The following CD4 variants were observed in gnomAD, a reference collection of about 807,000 sequenced individuals.
The protein encoded by CD4 is CD4 molecule, also known as T-cell surface glycoprotein CD4.
CD4 carries 25 observed loss-of-function variants against 50.5 expected under a neutral mutation model. The ratio of observed to expected loss-of-function variants is 0.49; its 90% CI spans 0.36 to 0.69. The LOEUF is 0.69. Ranked by LOEUF, CD4 falls within the 30% of genes least tolerant of loss-of-function variation. CD4 has a pLI of 0.00. For synonymous variants in CD4, 207 were observed against 221.9 expected (o/e 0.93, Z 0.60); for missense variants, 456 against 548.5 (o/e 0.83, Z 1.68).
intron 9 of CD4, among the ~76,000 whole-genome samples, 182 bp from the exon 10 acceptor site, chr12:6,819,117 G>A (rs1943202396): frequency 2.0e-5 from 3 of 151,974 alleles, no homozygotes. Flanking sequence ...GGTGGGAAAA[G>A]ATGGCCAGGA....
intron 3 of CD4, among the ~76,000 whole-genome samples, chr12:6,807,733 C>CAGAGAAA (rs1942808768): frequency 6.6e-6 from 1 of 152,172 alleles, no homozygotes; most frequent in East Asian, 1.9e-4. Context: ...CATAGGATTT[C>CAGAGAAA]TCTGTATTAC....
intron 1 of CD4, among the ~76,000 whole-genome samples, chr12:6,797,397 CCT>C (rs1341792037): frequency 6.6e-6 from 1 of 152,112 alleles, no homozygotes; most frequent in Non-Finnish European, 1.5e-5. Context: ...TCTCCCCTGA[CCT>C]CTCTGAAGGG....
At position 6,818,302 on chromosome 12, in the gene CD4, C is replaced by A; in HGVS notation, c.1157-119C>A. 1 of 1,338,116 alleles carries A rather than the reference C, an allele frequency of 7.5e-7. No homozygotes were observed. 82.9% of individuals were successfully genotyped at this position (1,338,116 alleles called of 1,614,324 possible). On this transcript the variant is annotated intron_variant, in intron 7 of 9. Transcript: ENST00000011653. The surrounding 1 kb of genome is among the most constrained non-coding windows in gnomAD (Gnocchi z 5.0). Reference sequence around the variant, plus strand: ...CTTTGAGAGCCCCCAGGCACCCCTCCCCTCTCCCCCAACCCCAGGGTCAAA... The same window carrying A: ...CTTTGAGAGCCCCCAGGCACCCCTCACCTCTCCCCCAACCCCAGGGTCAAA...
At chr12:6,814,627 G>C (rs1025914553) in intron 4 of CD4, 132 bp from the exon 5 acceptor site, 3 of 787,966 alleles carry the variant, frequency 3.8e-6, no homozygotes, top group Non-Finnish European at 6.8e-6. Flanking sequence ...TTGGCTGGGG[G>C]TGCGCAGCTG....
At chr12:6,810,596 GACA>G (rs1372374956) in intron 3 of CD4, among the ~76,000 whole-genome samples, 10 of 152,152 alleles carry the variant, frequency 6.6e-5, no homozygotes, top group African/African-American at 2.4e-4. Context: ...CAGAGTCTGG[GACA>G]ACACCTAAAT....
chr12:6,804,787 C>G (rs1456614319), intron 3 of CD4, among the ~76,000 whole-genome samples: 1 of 151,796 alleles, frequency 6.6e-6, no homozygotes, highest in Non-Finnish European at 1.5e-5. Flanking sequence ...GAGGCTGAGG[C>G]GGGCGGATCA....
rs1943085461 is a variant in CD4, at chr12:6,816,386, A to G, written c.938A>G (p.Asn313Ser). ...ACAGGAAAGTTGCATCAGGAAGTGA[A>G]CCTGGTGGTGATGAGAGGTGAGGGG... ...AKTGKLHQEV[N>S]LVVMRATQLQ... The change falls in exon 6 of 10, where the codon AAC (asparagine) becomes AGC (serine). Residue 313 changes from asparagine to serine, a missense_variant. By Grantham distance (46) the Asn-to-Ser change is conservative. Coordinates refer to ENST00000011653, the MANE Select transcript of CD4 (RefSeq NM_000616.5). The surrounding 1 kb of genome is among the most constrained non-coding windows in gnomAD (Gnocchi z 4.9). 1 of 1,613,004 alleles carries G rather than the reference A, an allele frequency of 6.2e-7. No homozygotes were observed. The highest frequency in any genetic ancestry group is 1.1e-5 in the South Asian group (1 of 91,028).
intron 3 of CD4, among the ~76,000 whole-genome samples, chr12:6,801,955 G>C (rs1171780987): frequency 7.2e-6 from 1 of 138,920 alleles, no homozygotes; most frequent in South Asian, 2.4e-4. Context: ...CTCACTGCAA[G>C]CTCTGCCTCC....
chr12:6,819,395 G>T lies in CD4; in HGVS notation c.*66G>T. ...TGTCTGCCCCGCGTTTCCTGCCTGC[G>T]GACCAGATGAATGTAGCAGATCCCC... On this transcript the variant is annotated 3_prime_UTR_variant, in exon 10 of 10. Coordinates refer to ENST00000011653, the MANE Select transcript of CD4 (RefSeq NM_000616.5). 2.7e-6 allele frequency: 4 copies of T among 1,475,136 alleles called. No individual in the cohort carries two copies. Among genetic ancestry groups the T allele is most frequent in the South Asian group, 2.3e-5 (2 of 88,372 alleles). 91.4% of individuals were successfully genotyped at this position (1,475,136 alleles called of 1,614,324 possible). A position where few individuals can be genotyped will look rare whatever the true frequency, so the allele number is the denominator to read the frequency against.
At chr12:6,807,983 G>C (rs1424564802) in intron 3 of CD4, among the ~76,000 whole-genome samples, 1 of 150,746 alleles carries the variant, frequency 6.6e-6, no homozygotes, top group African/African-American at 2.4e-5. Context: ...GGGAGGCTGA[G>C]GCAGGAGAAT....
At chr12:6,802,524 T>C (rs1942595067) in intron 3 of CD4, among the ~76,000 whole-genome samples, 1 of 151,932 alleles carries the variant, frequency 6.6e-6, no homozygotes, top group Non-Finnish European at 1.5e-5. Flanking sequence ...CTCAGGCTGG[T>C]CTTGAATTCC....
chr12:6,793,023 C>T (rs1942213678), intron 1 of CD4, among the ~76,000 whole-genome samples: 1 of 152,058 alleles, frequency 6.6e-6, no homozygotes, highest in South Asian at 2.1e-4. Context: ...GAGAGCCCTC[C>T]CAGCCTCTCT....
chr12:6,793,858 G>A (rs1942268255), intron 1 of CD4, among the ~76,000 whole-genome samples: 1 of 151,336 alleles, frequency 6.6e-6, no homozygotes, highest in Non-Finnish European at 1.5e-5. Flanking sequence ...TCATGATGTT[G>A]GCCAGGCTGG....
At chr12:6,810,792 C>G (rs1555116878) in intron 3 of CD4, among the ~76,000 whole-genome samples, 8 of 152,082 alleles carry the variant, frequency 5.3e-5, no homozygotes, top group African/African-American at 1.9e-4. Context: ...GGAATTAAAG[C>G]AGTGTGTAGA....
At chr12:6,801,540 TTTA>T (rs201461525) in intron 3 of CD4, among the ~76,000 whole-genome samples, 4,687 of 148,570 alleles carry the variant, frequency 0.032, 271 homozygotes, top group African/African-American at 0.11. Flanking sequence ...AAGCTGCANA[TTTA>T]TTATTATTAT....
At chr12:6,814,694 C>A in intron 4 of CD4, 65 bp from the exon 5 acceptor site, 3 of 1,188,870 alleles carry the variant, frequency 2.5e-6, no homozygotes, top group Non-Finnish European at 3.8e-6. Context: ...TTGTTGGTTT[C>A]CTGTTGTCTG....
intron 3 of CD4, among the ~76,000 whole-genome samples, chr12:6,807,881 G>A (rs782516018): frequency 3.9e-5 from 6 of 152,106 alleles, no homozygotes; most frequent in African/African-American, 1.4e-4. Context: ...AGGAGTTCGA[G>A]ACCAGCCTGG....
chr12:6,798,424 GGCCT>G (rs1942440746), intron 1 of CD4, among the ~76,000 whole-genome samples: 1 of 85,186 alleles, frequency 1.2e-5, no homozygotes, highest in Admixed American at 1.0e-4. Flanking sequence ...CGCCCGCCTT[GGCCT>G]CCCAAAATGC....
rs1334110788 is a variant in CD4, at chr12:6,816,623, G to A, written c.955+220G>A. ...CACTGAAGATCCCCAAAGCACTTGG[G>A]CTAAGAACCAGGGTTCCAGTTCTTC... On this transcript the variant is annotated intron_variant, in intron 6 of 9. Coordinates refer to ENST00000011653, the MANE Select transcript of CD4 (RefSeq NM_000616.5). This position sits in a 1 kb window ranked among gnomAD's most constrained non-coding sequence, Gnocchi z 4.9. Among the ~76,000 whole-genome samples, 1 of 152,210 alleles carries A rather than the reference G, an allele frequency of 6.6e-6. No individual in the cohort carries two copies. Among genetic ancestry groups the A allele is most frequent in the African/African-American group, 2.4e-5 (1 of 41,450 alleles).
Sources: gnomAD v4.1 joint callset for allele counts (sites outside exome capture counted in the v4.1 genomes callset) on GRCh38, gnomAD v4.1.1 for gene constraint, Gnocchi (gnomAD v3.1) non-coding constraint, MANE v1.5 for transcripts, NCBI Gene and HGNC (gene_info 2026-07-23, HGNC 2026-07-21) for gene names.